SPART: variants seen among roughly 807,000 people sequenced by gnomAD.
The protein encoded by SPART is spastic paraplegia 20 (Troyer syndrome).
Under a neutral mutation model 58.7 loss-of-function variants are expected in SPART, and 35 were observed. That is an observed-to-expected ratio of 0.60 (90% CI 0.46 to 0.79). The LOEUF (loss-of-function observed/expected upper bound fraction) is 0.79, where lower values mean the gene tolerates loss of function less well. Among genes scored for constraint, SPART ranks in the 30% least tolerant of loss-of-function variants. SPART has a pLI of 0.00. For synonymous variants in SPART, 284 were observed against 280.7 expected, an observed-to-expected ratio of 1.01 and a Z score of -0.12; for missense variants, 730 against 786.1, an observed-to-expected ratio of 0.93 and a Z score of 0.85.
chr13:36,331,559 G>A lies in SPART; in HGVS notation c.848C>T (p.Ser283Phe). Residue 283 changes from serine to phenylalanine, a missense_variant, in exon 3 of 9, where the codon TCT becomes TTT. Coordinates refer to ENST00000438666, the MANE Select transcript of SPART (RefSeq NM_015087.5). The stretch of plus-strand genomic sequence containing the variant: ...TCCCGCAGTACATTTCAGAACCGGA[G>A]ATCTATCAGGAACTAGAGGATATAA... Reference protein sequence around the residue: ...DWLYPLVPDRSPVLKCTAGAY... With the variant: ...DWLYPLVPDRFPVLKCTAGAY... 1 of 1,613,634 alleles carries A rather than the reference G, an allele frequency of 6.2e-7. No individual in the cohort carries two copies.
At chr13:36,314,729 A>G (rs1210034774) in intron 5 of SPART, among the ~76,000 whole-genome samples, 1 of 152,232 alleles carries the variant, frequency 6.6e-6, no homozygotes, top group Non-Finnish European at 1.5e-5. Context: ...ACAGTATATT[A>G]CTGTTAGGTA....
At chr13:36,340,464 ATACT>A (rs1477912629) in intron 1 of SPART, among the ~76,000 whole-genome samples, 1 of 152,162 alleles carries the variant, frequency 6.6e-6, no homozygotes, top group East Asian at 1.9e-4. Flanking sequence ...CATCTTTAAA[ATACT>A]TACACACAAA....
At chr13:36,308,209 T>C (rs1488888561) in intron 8 of SPART, among the ~76,000 whole-genome samples, 1 of 152,192 alleles carries the variant, frequency 6.6e-6, no homozygotes, top group Non-Finnish European at 1.5e-5. Context: ...ACTGGTTCAA[T>C]ACTTTTAGTT....
intron 1 of SPART, among the ~76,000 whole-genome samples, chr13:36,343,522 C>T (rs914009510): frequency 1.1e-4 from 16 of 152,088 alleles, no homozygotes; most frequent in Non-Finnish European, 1.5e-4. Context: ...TTTCAACTAA[C>T]GCATGATGTA....
intron 5 of SPART, among the ~76,000 whole-genome samples, chr13:36,315,488 T>C (rs1881597124): frequency 6.6e-6 from 1 of 152,238 alleles, no homozygotes; most frequent in Non-Finnish European, 1.5e-5. Flanking sequence ...CCAGCAATCA[T>C]GTGAAAACCA....
In SPART at chr13:36,336,711, T is replaced by C. The variant is rs937840421; in HGVS notation, c.-2-879A>G. Among the ~76,000 whole-genome samples, 7 of 152,180 alleles carry C rather than the reference T, an allele frequency of 4.6e-5. No homozygotes were observed. The South Asian group carries it at 1.4e-3, about 31-fold the overall frequency. On this transcript the variant is annotated intron_variant, in intron 1 of 8. Transcript: ENST00000438666. Reference sequence around the variant, plus strand: ...TATATAACCAAGAGAAATGGATGCATGTGCATGCCAAAAACATGTATGGCA... The same window carrying C: ...TATATAACCAAGAGAAATGGATGCACGTGCATGCCAAAAACATGTATGGCA...
At chr13:36,358,255 T>C (rs1212433860) in intron 1 of SPART, among the ~76,000 whole-genome samples, 2 of 152,226 alleles carry the variant, frequency 1.3e-5, no homozygotes, top group African/African-American at 4.8e-5. Flanking sequence ...ATTCATTTTA[T>C]GGTCTTTATT....
intron 1 of SPART, among the ~76,000 whole-genome samples, chr13:36,367,909 T>C (rs1886128764): frequency 6.6e-6 from 1 of 152,234 alleles, no homozygotes; most frequent in Admixed American, 6.5e-5. Flanking sequence ...TAAAAAATTA[T>C]ATATTCTCAG....
In SPART at chr13:36,335,190, A is replaced by G; in HGVS notation, c.641T>C (p.Leu214Ser). 6.2e-7 allele frequency: 1 copy of G among 1,614,106 alleles called. No individual in the cohort carries two copies. The highest frequency in any genetic ancestry group is 2.2e-5 in the East Asian group (1 of 44,872). Residue 214 changes from leucine to serine, a missense_variant, in exon 2 of 9, where the codon TTA becomes TCA. By Grantham distance (145) the Leu-to-Ser change is moderately radical. Transcript: ENST00000438666. ...NHSQPPPLET[L>S]GLDADELILI... Reference sequence around the variant, plus strand: ...AATCAATTCATCTGCATCCAGCCCTAAGGTCTCAAGAGGCGGTGGCTGAGA... The same window carrying G: ...AATCAATTCATCTGCATCCAGCCCTGAGGTCTCAAGAGGCGGTGGCTGAGA...
intron 5 of SPART, among the ~76,000 whole-genome samples, chr13:36,317,522 C>T (rs932407861): frequency 1.6e-3 from 6 of 3,796 alleles, no homozygotes; most frequent in South Asian, 0.17. Context: ...CCCTTATTTC[C>T]GTGCCCCACC....
At chr13:36,320,207 C>G (rs542300214) in intron 5 of SPART, among the ~76,000 whole-genome samples, 1 of 152,270 alleles carries the variant, frequency 6.6e-6, no homozygotes, top group African/African-American at 2.4e-5. Context: ...ATACCTGACG[C>G]ATATACTTTC....
chr13:36,326,761 A>G (rs756004430), intron 4 of SPART, 63 bp from the exon 5 acceptor site: 2 of 1,562,768 alleles, frequency 1.3e-6, no homozygotes, highest in Non-Finnish European at 1.8e-6. Context: ...AACTGTAAGC[A>G]TTATATAACA....
upstream of SPART, among the ~76,000 whole-genome samples, chr13:36,347,715 A>G (rs183646755): frequency 2.0e-5 from 3 of 152,156 alleles, no homozygotes; most frequent in African/African-American, 7.2e-5. Context: ...TCTCACTTCC[A>G]CGTTTTTGGA....
At chr13:36,336,922 A>C (rs944968083) in intron 1 of SPART, among the ~76,000 whole-genome samples, 1 of 152,220 alleles carries the variant, frequency 6.6e-6, no homozygotes, top group Non-Finnish European at 1.5e-5. Context: ...ACCACATACT[A>C]TGATTCTACA....
chr13:36,328,048 A>G (rs1883118687), intron 4 of SPART, among the ~76,000 whole-genome samples: 1 of 152,212 alleles, frequency 6.6e-6, no homozygotes, highest in Admixed American at 6.5e-5. Flanking sequence ...TTATGTGGAC[A>G]GGAATAGGGC....
At chr13:36,343,860 T>C (rs1165272110) in intron 1 of SPART, among the ~76,000 whole-genome samples, 1 of 152,092 alleles carries the variant, frequency 6.6e-6, no homozygotes, top group Non-Finnish European at 1.5e-5. Flanking sequence ...AATCAGTTCA[T>C]GGATCAGAAG....
chr13:36,306,948 C>T (rs941316464), intron 8 of SPART, among the ~76,000 whole-genome samples: 6 of 152,110 alleles, frequency 3.9e-5, no homozygotes, highest in African/African-American at 1.4e-4. Context: ...TACTATAAAA[C>T]AGCTTTTCAT....
In SPART at chr13:36,326,588, G is replaced by A; in HGVS notation, c.1275C>T (p.His425=). ...TTACTGTAATACCTGACAAAATGTTGTGAGCCACTTTTTCACTCCATTCAG... is the reference window on the plus strand; with the variant it reads ...TTACTGTAATACCTGACAAAATGTTATGAGCCACTTTTTCACTCCATTCAG... The part of the protein sequence containing the change: ...ELPEWSEKVA[H]NILSGASWVS... Residue 425 remains histidine (H), a synonymous_variant, in exon 5 of 9, where the codon CAC becomes CAT. Coordinates refer to ENST00000438666, the MANE Select transcript of SPART (RefSeq NM_015087.5). 6.2e-7 allele frequency: 1 copy of A among 1,613,350 alleles called. No individual in the cohort carries two copies. Among genetic ancestry groups the A allele is most frequent in the South Asian group, 1.1e-5 (1 of 91,070 alleles).
rs780880636 is a variant in SPART, at chr13:36,331,616, GA to G, written c.811-21del. 2.2e-5 allele frequency: 34 copies of G among 1,541,158 alleles called. No individual in the cohort carries two copies. Among genetic ancestry groups the G allele is most frequent in the Non-Finnish European group, 2.7e-5 (30 of 1,120,994 alleles). ...ACAAACCTGAAAGGATTCATTAGAA[GA>G]AAAAAAATATACATATAAATAAATG... is the stretch of plus-strand genomic sequence containing the variant. On this transcript the variant is annotated intron_variant, in intron 2 of 8. Coordinates refer to ENST00000438666, the MANE Select transcript of SPART (RefSeq NM_015087.5).
Sources: allele counts gnomAD v4.1 joint callset (sites outside exome capture counted in the v4.1 genomes callset), GRCh38; gene constraint gnomAD v4.1.1; transcripts MANE v1.5; gene names NCBI Gene and HGNC (gene_info 2026-07-23, HGNC 2026-07-21).